The following BRWD3 variants were observed in gnomAD, a reference collection of about 807,000 sequenced individuals.
BRWD3 encodes the protein bromodomain and WD repeat domain containing 3.
Under a neutral mutation model 149.7 loss-of-function variants are expected in BRWD3, and 10 were observed. That is an observed-to-expected ratio of 0.07 (90% confidence interval 0.04 to 0.11). BRWD3 has a LOEUF of 0.11. BRWD3 is among the 10% of genes least tolerant of loss of function. BRWD3 has a pLI of 1.00. For synonymous variants in BRWD3, 504 were observed against 456.7 expected (o/e 1.10, Z -1.32); for missense variants, 940 against 1,373.2 (o/e 0.68, Z 4.99).
intron 33 of BRWD3, 71 bp from the exon 34 acceptor site, chrX:80,688,196 T>G (rs2072560333): frequency 3.5e-6 from 3 of 850,660 alleles, no homozygotes; most frequent in African/African-American, 4.0e-5. Context: ...GATGGACATT[T>G]ACAAATAAAC....
At position 80,725,011 on chromosome X, in the gene BRWD3, T is replaced by C. The variant is rs2147757490; in HGVS notation, c.1443A>G (p.Ile481Met). 2 of 1,208,666 alleles carry C rather than the reference T, an allele frequency of 1.7e-6. No homozygotes were observed. Among genetic ancestry groups the C allele is most frequent in the Non-Finnish European group, 2.2e-6 (2 of 892,886 alleles). ...TGTTCCCATCATGACCTGCTGAAAG[T>C]ATGATCCTTTGATCAAATGGATGGG... is the stretch of plus-strand genomic sequence containing the variant. ...LEAHPFDQRI[I>M]LSAGHDGNIF... is the part of the protein sequence containing the mutation. Residue 481 changes from isoleucine (I) to methionine (M), a missense_variant, in exon 15 of 41, where the codon ATA becomes ATG. Physicochemically the swap from Ile to Met is conservative, Grantham distance 10. Coordinates refer to ENST00000373275, the MANE Select transcript of BRWD3 (RefSeq NM_153252.5).
intron 4 of BRWD3, among the ~76,000 whole-genome samples, chrX:80,802,874 G>A (rs2074314638): frequency 9.0e-6 from 1 of 110,955 alleles, no homozygotes; most frequent in African/African-American, 3.3e-5. Context: ...GGGAGGCCGA[G>A]GCAGGCAGAT....
chrX:80,711,197 T>C (rs2072961049), intron 20 of BRWD3, among the ~76,000 whole-genome samples: 1 of 111,912 alleles, frequency 8.9e-6, no homozygotes, highest in Non-Finnish European at 1.9e-5. Context: ...GTGGATTTAA[T>C]AATCTATACT....
intron 6 of BRWD3, among the ~76,000 whole-genome samples, chrX:80,785,556 T>C (rs918485423): frequency 8.9e-6 from 1 of 111,831 alleles, no homozygotes; most frequent in Non-Finnish European, 1.9e-5. Context: ...ACGGAAACAT[T>C]TGAATAAATA....
At position 80,808,609 on chromosome X, in the gene BRWD3, G is replaced by A. The variant is rs1160819530; in HGVS notation, c.121-11C>T. On this transcript the variant is annotated splice_polypyrimidine_tract_variant and intron_variant, in intron 3 of 40. Coordinates refer to ENST00000373275, the MANE Select transcript of BRWD3 (RefSeq NM_153252.5). ...GCGGCGCGGAATCAGCTGGGGGCCG[G>A]ACGAAAAGAAAGGGGGAAGCGGAGG... 4 of 1,206,291 alleles carry A rather than the reference G, an allele frequency of 3.3e-6. No individual in the cohort carries two copies. The highest frequency in any genetic ancestry group is 2.3e-4 in the Middle Eastern group (1 of 4,257).
At chrX:80,725,991 A>AAC (rs1277994971) in intron 14 of BRWD3, among the ~76,000 whole-genome samples, 3 of 98,943 alleles carry the variant, frequency 3.0e-5, no homozygotes, top group South Asian at 5.9e-4. Flanking sequence ...ATGTCTATAT[A>AAC]ACATAACATG....
chrX:80,808,416 T>C (rs1268723164), intron 4 of BRWD3, 123 bp downstream of exon 4: 19 of 526,112 alleles, frequency 3.6e-5, no homozygotes, highest in Non-Finnish European at 5.8e-5. Flanking sequence ...GGGCAGTCGT[T>C]CTTTGGCTCT....
chrX:80,800,252 C>CTT (rs1398759700), intron 4 of BRWD3, among the ~76,000 whole-genome samples: 37 of 90,475 alleles, frequency 4.1e-4, no homozygotes, highest in East Asian at 1.0e-3. Flanking sequence ...AGAAGGGCTT[C>CTT]TTTTTTTTTT....
intron 20 of BRWD3, among the ~76,000 whole-genome samples, chrX:80,713,096 G>A (rs1170302340): frequency 3.7e-4 from 39 of 106,226 alleles, no homozygotes; most frequent in Non-Finnish European, 5.8e-4. Context: ...CCGGCCAGCC[G>A]CCCCGTCCGG....
intron 7 of BRWD3, 91 bp downstream of exon 7, chrX:80,745,478 A>G (rs989690651): frequency 2.3e-6 from 2 of 886,452 alleles, no homozygotes; most frequent in Non-Finnish European, 3.2e-6. Context: ...AAAAAAGTGA[A>G]CTGCTTACAA....
intron 8 of BRWD3, among the ~76,000 whole-genome samples, chrX:80,743,308 T>C (rs1303123426): frequency 1.8e-5 from 2 of 112,117 alleles, no homozygotes; most frequent in African/African-American, 6.5e-5. Flanking sequence ...CAGTATTTTA[T>C]TGAGGATTTT....
chrX:80,725,822 T>A lies in BRWD3; in HGVS notation c.1387-755A>T, dbSNP rs775603563. 5.2e-3 allele frequency among the ~76,000 whole-genome samples: 467 copies of A among 89,944 alleles called. 10 individuals carry two copies. The highest frequency in any genetic ancestry group is 0.02 in the African/African-American group (451 of 22,394). 78.1% of individuals were successfully genotyped at this position (89,944 alleles called of 115,157 possible). A position where few individuals can be genotyped will look rare whatever the true frequency, so the allele number is the denominator to read the frequency against. The stretch of plus-strand genomic sequence containing the variant: ...TGTTTACATGTGTTACATGCCTATA[T>A]AACATAACATGTTTACATGTGTTAC... On this transcript the variant is annotated intron_variant, in intron 14 of 40. Transcript: ENST00000373275.
rs959304458 is a variant in BRWD3, at chrX:80,675,090, T to A, written c.*1519A>T. 2.7e-5 allele frequency: 3 copies of A among 111,725 alleles called. No homozygotes were observed. Among genetic ancestry groups the A allele is most frequent in the Non-Finnish European group, 5.7e-5 (3 of 53,046 alleles). 9.2% of individuals were successfully genotyped at this position (111,725 alleles called of 1,213,427 possible). A position where few individuals can be genotyped will look rare whatever the true frequency, so the allele number is the denominator to read the frequency against. ...CTCAGAAATGTAAGTATCTAACAAA[T>A]GAACAAATCTGTAATATTAAATTTG... is the stretch of plus-strand genomic sequence containing the variant. On this transcript the variant is annotated 3_prime_UTR_variant, in exon 41 of 41. Coordinates refer to ENST00000373275, the MANE Select transcript of BRWD3 (RefSeq NM_153252.5).
chrX:80,746,470 C>T (rs1339773856), intron 6 of BRWD3, among the ~76,000 whole-genome samples: 1 of 110,445 alleles, frequency 9.1e-6, no homozygotes, highest in Non-Finnish European at 1.9e-5. Flanking sequence ...CTACACAATT[C>T]TTCTCCAAAT....
intron 8 of BRWD3, among the ~76,000 whole-genome samples, chrX:80,738,040 T>A (rs1335486112): frequency 8.9e-6 from 1 of 112,382 alleles, no homozygotes; most frequent in Non-Finnish European, 1.9e-5. Context: ...GCCTAAATAT[T>A]TACTATCTGG....
chrX:80,725,956 A>C (rs1235603974), intron 14 of BRWD3, among the ~76,000 whole-genome samples: 1 of 109,791 alleles, frequency 9.1e-6, no homozygotes, highest in African/African-American at 3.3e-5. Flanking sequence ...ATGTCTATAT[A>C]ACACATAACA....
chrX:80,709,027 T>C (rs757242188), intron 21 of BRWD3, among the ~76,000 whole-genome samples: 1 of 111,919 alleles, frequency 8.9e-6, no homozygotes, highest in South Asian at 3.8e-4. Context: ...CAATGATCTC[T>C]ATGAGGGGTG....
Position 80,719,600 on chromosome X carries a change from T to G in BRWD3, c.1933A>C (p.Ser645Arg). ...IGQQTNDQDE[S>R]ILDGIIRELQ... is the part of the protein sequence containing the mutation. Reference sequence around the variant, plus strand: ...TCCCTGATTATTCCATCAAGAATGCTCTCATCTTGGTCATTGGTTTGCTGC... The same window carrying G: ...TCCCTGATTATTCCATCAAGAATGCGCTCATCTTGGTCATTGGTTTGCTGC... The change falls in exon 18 of 41, where the codon AGC becomes CGC. Residue 645 changes from serine to arginine, a missense_variant. Transcript: ENST00000373275. 1 of 1,210,174 alleles carries G rather than the reference T, an allele frequency of 8.3e-7. No homozygotes were observed. Among genetic ancestry groups the G allele is most frequent in the East Asian group, 3.0e-5 (1 of 33,779 alleles).
intron 4 of BRWD3, among the ~76,000 whole-genome samples, chrX:80,801,883 T>G (rs2074301407): frequency 9.1e-6 from 1 of 109,789 alleles, no homozygotes; most frequent in African/African-American, 3.3e-5. Flanking sequence ...AAATTCAGGA[T>G]ACAATCAGAA....
Sources: gnomAD v4.1 joint callset for allele counts (sites outside exome capture counted in the v4.1 genomes callset) on GRCh38, gnomAD v4.1.1 for gene constraint, MANE v1.5 for transcripts, NCBI Gene and HGNC (gene_info 2026-07-23, HGNC 2026-07-21) for gene names.